The following SORCS3 variants were observed in gnomAD, a reference collection of about 807,000 sequenced individuals.
SORCS3 encodes sortilin related VPS10 domain containing receptor 3.
In SORCS3, 57 loss-of-function variants were observed where a neutral mutation model predicts 146.3. The observed-to-expected ratio is 0.39, with a 90% CI of 0.31 to 0.49. The LOEUF (loss-of-function observed/expected upper bound fraction) is 0.49. Ranked by LOEUF, SORCS3 falls within the 20% of genes least tolerant of loss-of-function variation. The pLI, the probability that SORCS3 is intolerant of heterozygous loss-of-function variation, is 0.92. For missense variants in SORCS3, 1,341 were observed against 1,575.5 expected (o/e 0.85, Z 2.52); for synonymous variants, 653 against 618.5 (o/e 1.06, Z -0.83).
intron 6 of SORCS3, among the ~76,000 whole-genome samples, chr10:105,103,367 T>G (rs2055799615): frequency 6.6e-6 from 1 of 152,222 alleles, no homozygotes; most frequent in Admixed American, 6.5e-5. Context: ...ACAAAGTTAT[T>G]CAGGCCATAT....
chr10:104,826,709 A>C (rs1244588156), intron 1 of SORCS3, among the ~76,000 whole-genome samples: 3 of 152,150 alleles, frequency 2.0e-5, no homozygotes, highest in Non-Finnish European at 4.4e-5. Flanking sequence ...GGCTGTGGCA[A>C]TTTCAGAAAA....
chr10:104,685,535 C>G (rs905487505), intron 1 of SORCS3, among the ~76,000 whole-genome samples: 3 of 152,196 alleles, frequency 2.0e-5, no homozygotes, highest in Admixed American at 1.3e-4. Flanking sequence ...GGTCACATCC[C>G]TCCTGTCTGT....
At chr10:104,911,135 G>A (rs1176140709) in intron 2 of SORCS3, among the ~76,000 whole-genome samples, 1 of 152,228 alleles carries the variant, frequency 6.6e-6, no homozygotes. Context: ...TCTGGCAATG[G>A]GGCTGAGACC....
chr10:104,794,622 G>GGAGAGAGAGAGA (rs371695559), intron 1 of SORCS3, among the ~76,000 whole-genome samples: 2 of 41,392 alleles, frequency 4.8e-5, no homozygotes, highest in Middle Eastern at 0.014. Flanking sequence ...AGAGAGGGAG[G>GGAGAGAGAGAGA]GAGAGAGAGA....
At chr10:105,006,278 C>A (rs1415771356) in intron 4 of SORCS3, among the ~76,000 whole-genome samples, 1 of 152,170 alleles carries the variant, frequency 6.6e-6, no homozygotes, top group Non-Finnish European at 1.5e-5. Context: ...ACTTTGGAGT[C>A]TTGGCTCTTT....
chr10:105,046,487 A>C (rs1414863821), intron 5 of SORCS3, among the ~76,000 whole-genome samples: 1 of 152,114 alleles, frequency 6.6e-6, no homozygotes, highest in Non-Finnish European at 1.5e-5. Flanking sequence ...GACACAGCAG[A>C]AAGAACGAAC....
intron 4 of SORCS3, among the ~76,000 whole-genome samples, chr10:105,036,066 G>A (rs949639952): frequency 6.6e-6 from 1 of 152,154 alleles, no homozygotes; most frequent in Admixed American, 6.5e-5. Flanking sequence ...TTAAGATGTG[G>A]CACTTAGACC....
At chr10:105,135,320 C>A (rs2056051796) in intron 7 of SORCS3, among the ~76,000 whole-genome samples, 1 of 152,130 alleles carries the variant, frequency 6.6e-6, no homozygotes, top group South Asian at 2.1e-4. Flanking sequence ...TCCATGGGAG[C>A]CTGGCTCCTC....
chr10:104,938,423 T>A (rs910443457), intron 3 of SORCS3, among the ~76,000 whole-genome samples: 4 of 152,210 alleles, frequency 2.6e-5, no homozygotes, highest in Admixed American at 6.5e-5. Flanking sequence ...TCCTTCGTAA[T>A]GTACACCCAA....
At chr10:104,754,349 A>G (rs2017022509) in intron 1 of SORCS3, among the ~76,000 whole-genome samples, 1 of 152,272 alleles carries the variant, frequency 6.6e-6, no homozygotes, top group East Asian at 1.9e-4. Context: ...GAATCTCTCC[A>G]GCTGTAGCTA....
At chr10:105,098,701 A>G (rs1229692421) in intron 6 of SORCS3, among the ~76,000 whole-genome samples, 2 of 152,236 alleles carry the variant, frequency 1.3e-5, no homozygotes, top group Non-Finnish European at 2.9e-5. Flanking sequence ...TAGTTAATGC[A>G]TATAGTTCCT....
At chr10:104,645,649 A>G (rs1222075472) in intron 1 of SORCS3, among the ~76,000 whole-genome samples, 1 of 152,188 alleles carries the variant, frequency 6.6e-6, no homozygotes, top group Non-Finnish European at 1.5e-5. Context: ...ATCTTGGTGA[A>G]GAGAAATGGG....
At chr10:104,774,193 C>T (rs543087128) in intron 1 of SORCS3, among the ~76,000 whole-genome samples, 2 of 152,154 alleles carry the variant, frequency 1.3e-5, no homozygotes, top group Non-Finnish European at 2.9e-5. Flanking sequence ...CCCTGACTTC[C>T]TACCCCAAAT....
intron 1 of SORCS3, among the ~76,000 whole-genome samples, chr10:104,699,950 A>C (rs1298878454): frequency 6.6e-6 from 1 of 152,200 alleles, no homozygotes; most frequent in East Asian, 1.9e-4. Flanking sequence ...TTATTTTCTC[A>C]CCTAGTCTTG....
At chr10:104,729,538 A>G (rs2016682622) in intron 1 of SORCS3, among the ~76,000 whole-genome samples, 1 of 152,252 alleles carries the variant, frequency 6.6e-6, no homozygotes, top group Non-Finnish European at 1.5e-5. Flanking sequence ...CAAAATGATA[A>G]GTTCAGGCTT....
intron 2 of SORCS3, among the ~76,000 whole-genome samples, chr10:104,870,772 AT>A (rs1380826237): frequency 1.3e-5 from 2 of 152,098 alleles, no homozygotes; most frequent in Non-Finnish European, 2.9e-5. Flanking sequence ...TTTGAATGGG[AT>A]GAGGCATCCC....
intron 4 of SORCS3, among the ~76,000 whole-genome samples, chr10:105,033,533 G>C (rs977298880): frequency 6.6e-6 from 1 of 152,186 alleles, no homozygotes; most frequent in East Asian, 1.9e-4. Flanking sequence ...TAAGATTTCA[G>C]ATGGGATTCC....
intron 1 of SORCS3, among the ~76,000 whole-genome samples, chr10:104,731,070 A>G (rs1235144074): frequency 6.6e-6 from 1 of 152,212 alleles, no homozygotes; most frequent in Non-Finnish European, 1.5e-5. Flanking sequence ...GGTACTGAGT[A>G]GGGTTTAACT....
chr10:104,756,556 G>A (rs552928499), intron 1 of SORCS3, among the ~76,000 whole-genome samples: 2 of 152,152 alleles, frequency 1.3e-5, no homozygotes, highest in Non-Finnish European at 2.9e-5. Context: ...TTGTAGGCAG[G>A]GTAAGGGTGG....
Sources: gnomAD v4.1 joint callset for allele counts (sites outside exome capture counted in the v4.1 genomes callset) on GRCh38, gnomAD v4.1.1 for gene constraint, MANE v1.5 for transcripts, NCBI Gene and HGNC (gene_info 2026-07-23, HGNC 2026-07-21) for gene names.